RAB38: variants seen among roughly 807,000 people sequenced by gnomAD.
RAB38 encodes ras-related protein Rab-38.
In RAB38, 15 loss-of-function variants were observed where a neutral mutation model predicts 18.4. That is an observed-to-expected ratio of 0.82 (90% CI 0.55 to 1.26). The LOEUF is 1.26. Among genes scored for constraint, RAB38 ranks in the 50% most tolerant of loss-of-function variants. The pLI, the probability that RAB38 is intolerant of heterozygous loss-of-function variation, is 0.00. For synonymous variants in RAB38, 101 were observed against 104.4 expected (o/e 0.97, Z 0.20); for missense variants, 294 against 267.4 (o/e 1.10, Z -0.69).
chr11:88,154,664 C>T (rs147710372), intron 1 of RAB38, among the ~76,000 whole-genome samples: 47 of 152,280 alleles, frequency 3.1e-4, no homozygotes, highest in Non-Finnish European at 4.9e-4. Flanking sequence ...TCCATGGCTA[C>T]GCAGATATCC....
chr11:87,945,479 A>T, the RAB38 span, among the ~76,000 whole-genome samples: 1 of 152,260 alleles, frequency 6.6e-6, no homozygotes, highest in African/African-American at 2.4e-5. Flanking sequence ...CGGGGTTGTC[A>T]GTGGGTTGGA....
the RAB38 span, among the ~76,000 whole-genome samples, chr11:87,849,704 A>G: frequency 1.3e-5 from 2 of 152,258 alleles, no homozygotes; most frequent in Middle Eastern, 6.8e-3. Flanking sequence ...GGAAATAATC[A>G]TTGTTTTGCC....
At chr11:88,049,986 C>G in the RAB38 span, 2 of 152,174 alleles carry the variant, frequency 1.3e-5, no homozygotes, top group Non-Finnish European at 2.9e-5. Flanking sequence ...CGTTTTACAA[C>G]CTTCCATCTA....
chr11:87,881,469 T>C, the RAB38 span, among the ~76,000 whole-genome samples: 7 of 152,052 alleles, frequency 4.6e-5, no homozygotes, highest in Admixed American at 2.0e-4. Flanking sequence ...ATCTTCTGGG[T>C]ATGAACTCAT....
chr11:87,804,771 C>T, the RAB38 span, among the ~76,000 whole-genome samples: 1 of 152,070 alleles, frequency 6.6e-6, no homozygotes, highest in African/African-American at 2.4e-5. Context: ...TCTATATAAT[C>T]CATAAGTCAC....
At chr11:87,834,155 A>T in the RAB38 span, among the ~76,000 whole-genome samples, 2 of 152,160 alleles carry the variant, frequency 1.3e-5, no homozygotes, top group Admixed American at 6.5e-5. Flanking sequence ...TCCATTTGGA[A>T]AGCATATGAA....
the RAB38 span, among the ~76,000 whole-genome samples, chr11:87,886,824 G>GTTTTTTTTTTTTTTTT: frequency 1.4e-5 from 2 of 139,024 alleles, no homozygotes. Context: ...TGAAGCACTT[G>GTTTTTTTTTTTTTTTT]TTTTTTTTTT....
the RAB38 span, among the ~76,000 whole-genome samples, chr11:88,031,167 A>G: frequency 6.6e-6 from 1 of 152,222 alleles, no homozygotes; most frequent in South Asian, 2.1e-4. Flanking sequence ...GGCCTTTGAC[A>G]AAATTCAAAA....
chr11:88,009,929 A>C, the RAB38 span, among the ~76,000 whole-genome samples: 2 of 152,166 alleles, frequency 1.3e-5, no homozygotes, highest in South Asian at 4.1e-4. Flanking sequence ...CATAAGTGAG[A>C]TATCTTTGAA....
the RAB38 span, among the ~76,000 whole-genome samples, chr11:87,926,168 C>T: frequency 6.6e-6 from 1 of 151,994 alleles, no homozygotes; most frequent in Non-Finnish European, 1.5e-5. Context: ...ATCGCCACTA[C>T]CCTCTTTGAC....
At chr11:87,948,702 T>G in the RAB38 span, among the ~76,000 whole-genome samples, 1 of 145,142 alleles carries the variant, frequency 6.9e-6, no homozygotes, top group African/African-American at 2.7e-5. Context: ...TTTATTGATT[T>G]GCGTATATTG....
chr11:88,084,491 A>G, the RAB38 span, among the ~76,000 whole-genome samples: 1 of 151,854 alleles, frequency 6.6e-6, no homozygotes, highest in East Asian at 1.9e-4. Context: ...AAGGATTCAG[A>G]GATCGATCAG....
chr11:87,961,827 G>A, the RAB38 span, among the ~76,000 whole-genome samples: 1 of 152,148 alleles, frequency 6.6e-6, no homozygotes, highest in South Asian at 2.1e-4. Flanking sequence ...TGTCTAAATA[G>A]TAGGGCTGCA....
At chr11:87,842,794 GCA>G in the RAB38 span, among the ~76,000 whole-genome samples, 811 of 129,900 alleles carry the variant, frequency 6.2e-3, 4 homozygotes, top group Non-Finnish European at 8.2e-3. Flanking sequence ...GCATGCGCAT[GCA>G]CACACACACA....
At chr11:87,879,445 A>G in the RAB38 span, 1 of 151,644 alleles carries the variant, frequency 6.6e-6, no homozygotes, top group Non-Finnish European at 1.5e-5. Flanking sequence ...AAAGACAACA[A>G]CAACAAAAAT....
At chr11:88,016,874 T>C in the RAB38 span, among the ~76,000 whole-genome samples, 1 of 152,178 alleles carries the variant, frequency 6.6e-6, no homozygotes, top group Non-Finnish European at 1.5e-5. Flanking sequence ...GGCACGAATC[T>C]GGGTAATAAT....
the RAB38 span, among the ~76,000 whole-genome samples, chr11:87,930,408 G>A: frequency 7.9e-5 from 12 of 151,378 alleles, no homozygotes; most frequent in South Asian, 4.2e-4. Context: ...TGGTTGATGG[G>A]GTTGTTTGTT....
chr11:87,923,264 G>A, the RAB38 span, among the ~76,000 whole-genome samples: 9 of 151,686 alleles, frequency 5.9e-5, no homozygotes, highest in African/African-American at 1.5e-4. Context: ...GGAAAGAGAC[G>A]GTTTCATTTC....
chr11:87,949,626 T>G, the RAB38 span, among the ~76,000 whole-genome samples: 1 of 152,242 alleles, frequency 6.6e-6, no homozygotes, highest in Non-Finnish European at 1.5e-5. Context: ...CATCTTTATT[T>G]CTGCCTTCAT....
Sources: gnomAD v4.1 joint callset for allele counts (sites outside exome capture counted in the v4.1 genomes callset) on GRCh38, gnomAD v4.1.1 for gene constraint, MANE v1.5 for transcripts, NCBI Gene and HGNC (gene_info 2026-07-23, HGNC 2026-07-21) for gene names.